Variants in MREG observed in about 807,000 individuals in gnomAD.
MREG encodes the protein dilute suppressor protein homolog.
In MREG, 31 loss-of-function variants were observed where a neutral mutation model predicts 28.5. The observed-to-expected ratio is 1.09, with a 90% CI of 0.82 to 1.47. The LOEUF (loss-of-function observed/expected upper bound fraction) is 1.47. Among genes scored for constraint, MREG ranks in the 40% most tolerant of loss-of-function variants. The probability of loss-of-function intolerance (pLI) is 0.00; values close to 1 mark genes in which losing one functional copy is unlikely to be tolerated. For missense variants in MREG, 256 were observed against 257.4 expected (o/e 0.99, Z 0.04); for synonymous variants, 106 against 95.2 (o/e 1.11, Z -0.66).
At chr2:216,014,867 C>G (rs1385894574), upstream of MREG, among the ~76,000 whole-genome samples, 2 of 152,144 alleles carry the variant, frequency 1.3e-5, no homozygotes, top group African/African-American at 2.4e-5. Context: ...AAAGTTTTGT[C>G]TTTTCCAGTC....
At chr2:215,965,681 G>T (rs1031288658) in intron 2 of MREG, among the ~76,000 whole-genome samples, 1 of 152,136 alleles carries the variant, frequency 6.6e-6, no homozygotes, top group African/African-American at 2.4e-5. Flanking sequence ...TTTGCAAGCT[G>T]TCAAGTTGTT....
At chr2:215,963,101 C>A (rs1692834910) in intron 2 of MREG, among the ~76,000 whole-genome samples, 2 of 151,626 alleles carry the variant, frequency 1.3e-5, no homozygotes, top group African/African-American at 4.9e-5. Flanking sequence ...GCACTCCAGT[C>A]TGGGTGACAG....
chr2:216,014,467 G>A (rs1694395545), upstream of MREG, among the ~76,000 whole-genome samples: 2 of 152,032 alleles, frequency 1.3e-5, no homozygotes, highest in Admixed American at 1.3e-4. Flanking sequence ...TGGCCAACAT[G>A]GTGAAGCCCC....
At chr2:216,009,344 A>G (rs1205178362) in intron 1 of MREG, among the ~76,000 whole-genome samples, 1 of 128,102 alleles carries the variant, frequency 7.8e-6, no homozygotes, top group African/African-American at 3.0e-5. Context: ...ACAAAAATGC[A>G]AAAAAAAAAA....
At chr2:216,021,815 A>T (rs1694526130) in intron 1 of MREG, among the ~76,000 whole-genome samples, 1 of 152,224 alleles carries the variant, frequency 6.6e-6, no homozygotes, top group African/African-American at 2.4e-5. Context: ...TACTTTAGTC[A>T]GATCCGACCC....
At chr2:216,010,479 T>TCC (rs372146932) in intron 1 of MREG, among the ~76,000 whole-genome samples, 3,196 of 143,768 alleles carry the variant, frequency 0.022, 81 homozygotes, top group African/African-American at 0.066. Flanking sequence ...TGCCTCAACC[T>TCC]CCCGAGTAGC....
chr2:216,008,129 T>C (rs1373231575), intron 1 of MREG, among the ~76,000 whole-genome samples: 1 of 152,026 alleles, frequency 6.6e-6, no homozygotes, highest in African/African-American at 2.4e-5. Context: ...GGGGATTTCA[T>C]TAACAGATAT....
intron 2 of MREG, among the ~76,000 whole-genome samples, chr2:215,955,425 T>C (rs1574596802): frequency 6.6e-6 from 1 of 152,276 alleles, no homozygotes; most frequent in East Asian, 1.9e-4. Context: ...ATACCACCCT[T>C]TGGGAATTTT....
In MREG at chr2:216,024,840, G is replaced by A. The variant is rs148745442; in HGVS notation, c.-68+7949C>T. The stretch of plus-strand genomic sequence containing the variant: ...AGAAGTTGCAGTAAGCCGAGATCAC[G>A]CCATTGCACTCCAGCCTGGGCGACG... On this transcript the variant is annotated intron_variant, in intron 1 of 3. Transcript: ENST00000420348. 3.5e-3 allele frequency among the ~76,000 whole-genome samples: 513 copies of A among 147,124 alleles called. 5 individuals carry two copies. Among genetic ancestry groups the A allele is most frequent in the African/African-American group, 0.013 (497 of 39,686 alleles).
intron 1 of MREG, among the ~76,000 whole-genome samples, chr2:216,002,866 T>C (rs1559194749): frequency 1.1e-5 from 1 of 90,120 alleles, no homozygotes; most frequent in African/African-American, 5.8e-5. Flanking sequence ...CCTTTCTTTG[T>C]TTTTCTCTCT....
chr2:215,958,348 C>T (rs887965192), intron 2 of MREG, among the ~76,000 whole-genome samples: 3 of 152,164 alleles, frequency 2.0e-5, no homozygotes, highest in African/African-American at 4.8e-5. Flanking sequence ...CTTCAGAGTT[C>T]GTGCAGCAAA....
intron 1 of MREG, among the ~76,000 whole-genome samples, chr2:216,024,449 C>CAAA (rs1339652646): frequency 7.2e-6 from 1 of 138,894 alleles, no homozygotes; most frequent in African/African-American, 2.6e-5. Context: ...GACTCAGTCT[C>CAAA]AAAAAAAAAA....
In MREG at chr2:216,022,803, G is replaced by A. The variant is rs1694544693; in HGVS notation, c.-68+9986C>T. 2.0e-5 allele frequency among the ~76,000 whole-genome samples: 3 copies of A among 152,322 alleles called. No individual in the cohort carries two copies. In the South Asian group the frequency reaches 6.2e-4, roughly 32 times the overall value. ...GCTTCCTAATTCAATTAAACTCTAA[G>A]AAGCAGAAGCAGAGTTTCTAAGAAG... On this transcript the variant is annotated intron_variant, in intron 1 of 3. Transcript: ENST00000420348.
At chr2:215,949,079 T>C (rs1419683686) in intron 2 of MREG, among the ~76,000 whole-genome samples, 1 of 91,094 alleles carries the variant, frequency 1.1e-5, no homozygotes, top group Non-Finnish European at 2.5e-5. Context: ...CTACTACTAC[T>C]ACTACTACTA....
intron 1 of MREG, among the ~76,000 whole-genome samples, chr2:216,001,693 C>A (rs114726634): frequency 0.018 from 2,789 of 152,316 alleles, 80 homozygotes; most frequent in African/African-American, 0.062. Flanking sequence ...CATTCAGCAG[C>A]ATCAGAAGCA....
At chr2:215,966,974 C>A (rs1336014828) in intron 2 of MREG, among the ~76,000 whole-genome samples, 1 of 152,174 alleles carries the variant, frequency 6.6e-6, no homozygotes, top group Non-Finnish European at 1.5e-5. Context: ...ACTGAGCCTA[C>A]AGATTCTGCC....
chr2:215,953,600 C>G (rs527653676), intron 2 of MREG, among the ~76,000 whole-genome samples: 185 of 152,326 alleles, frequency 1.2e-3, no homozygotes, highest in African/African-American at 4.2e-3. Flanking sequence ...GCTCTCATCA[C>G]TTTGACTAGC....
At chr2:215,982,487 T>C (rs764051905) in intron 2 of MREG, among the ~76,000 whole-genome samples, 2 of 152,218 alleles carry the variant, frequency 1.3e-5, no homozygotes, top group African/African-American at 2.4e-5. Flanking sequence ...GTATAATCCA[T>C]GGGTTTTAGT....
chr2:216,014,975 T>A (rs1486531387), upstream of MREG, among the ~76,000 whole-genome samples: 2 of 152,198 alleles, frequency 1.3e-5, no homozygotes, highest in African/African-American at 4.8e-5. Context: ...CAAATACAAA[T>A]CTTTACTCTA....
Sources: allele counts gnomAD v4.1 joint callset (sites outside exome capture counted in the v4.1 genomes callset), GRCh38; gene constraint gnomAD v4.1.1; transcripts MANE v1.5; gene names NCBI Gene and HGNC (gene_info 2026-07-23, HGNC 2026-07-21).